Variants in IMMP2L observed in about 807,000 individuals in gnomAD.
The protein encoded by IMMP2L is mitochondrial inner membrane protease subunit 2.
A neutral mutation model predicts 19.3 loss-of-function variants in IMMP2L; 18 were observed. That is an observed-to-expected ratio of 0.93 (90% confidence interval 0.64 to 1.38). IMMP2L has a LOEUF of 1.38. IMMP2L is among the 40% of genes most tolerant of loss of function. IMMP2L has a pLI of 0.00. For missense variants in IMMP2L, 233 were observed against 218.2 expected (o/e 1.07, Z -0.43); for synonymous variants, 76 against 73.0 (o/e 1.04, Z -0.21).
chr7:111,463,789 T>G (rs1415910223), intron 3 of IMMP2L, among the ~76,000 whole-genome samples: 1 of 152,166 alleles, frequency 6.6e-6, no homozygotes, highest in Admixed American at 6.5e-5. Flanking sequence ...TTCATTAAAC[T>G]CTCTTCATTG....
intron 3 of IMMP2L, among the ~76,000 whole-genome samples, chr7:111,386,570 GCAGA>G (rs1235140722): frequency 6.6e-6 from 1 of 152,100 alleles, no homozygotes; most frequent in Non-Finnish European, 1.5e-5. Context: ...AGAGACAAAG[GCAGA>G]CAGAGAGAGG....
chr7:111,487,183 A>T, intron 3 of IMMP2L, 55 bp downstream of exon 3: 1 of 776,740 alleles, frequency 1.3e-6, no homozygotes, highest in South Asian at 1.7e-5. Context: ...CAGTTAAATC[A>T]GCATAAGTAT....
intron 3 of IMMP2L, among the ~76,000 whole-genome samples, chr7:111,394,441 T>C (rs1199357486): frequency 2.0e-5 from 3 of 152,134 alleles, no homozygotes; most frequent in Non-Finnish European, 4.4e-5. Flanking sequence ...GGTTCTGATG[T>C]GTTCTCCTTA....
chr7:110,982,713 T>C (rs1212444288), intron 3 of IMMP2L, among the ~76,000 whole-genome samples: 1 of 152,192 alleles, frequency 6.6e-6, no homozygotes, highest in East Asian at 1.9e-4. Flanking sequence ...CCACATATTT[T>C]TTCTTATAAC....
At chr7:110,771,232 A>G (rs987976480) in intron 5 of IMMP2L, among the ~76,000 whole-genome samples, 10 of 152,148 alleles carry the variant, frequency 6.6e-5, no homozygotes, top group African/African-American at 2.4e-4. Flanking sequence ...GGTTTGGACG[A>G]GAATCTCACT....
At chr7:110,986,688 A>C (rs2129558867) in intron 3 of IMMP2L, among the ~76,000 whole-genome samples, 1 of 152,280 alleles carries the variant, frequency 6.6e-6, no homozygotes. Flanking sequence ...TGGGAAATTT[A>C]GTTTTGATTG....
chr7:110,964,083 G>A (rs1819271499), intron 3 of IMMP2L, among the ~76,000 whole-genome samples: 2 of 151,840 alleles, frequency 1.3e-5, no homozygotes, highest in Non-Finnish European at 2.9e-5. Flanking sequence ...CTCTCCTGCC[G>A]CCATGAGAAG....
intron 3 of IMMP2L, among the ~76,000 whole-genome samples, chr7:111,241,888 G>A (rs1041693080): frequency 2.0e-5 from 3 of 151,996 alleles, no homozygotes; most frequent in Non-Finnish European, 4.4e-5. Context: ...AGAGATATTT[G>A]CAGGTATTGC....
chr7:111,375,193 T>A (rs1018781132), intron 3 of IMMP2L, among the ~76,000 whole-genome samples: 1 of 151,996 alleles, frequency 6.6e-6, no homozygotes, highest in Non-Finnish European at 1.5e-5. Context: ...GGAACAGGCT[T>A]GTTGAGTGTT....
intron 3 of IMMP2L, among the ~76,000 whole-genome samples, chr7:111,186,615 G>A (rs1008373942): frequency 1.3e-5 from 2 of 151,972 alleles, no homozygotes; most frequent in African/African-American, 4.8e-5. Flanking sequence ...ATTTTTAGTA[G>A]AAACGGGGTT....
intron 3 of IMMP2L, among the ~76,000 whole-genome samples, chr7:111,226,122 C>T (rs1813066847): frequency 6.6e-6 from 1 of 151,774 alleles, no homozygotes; most frequent in Admixed American, 6.6e-5. Context: ...CTTTTTTTCC[C>T]ATTCTGTCAC....
intron 3 of IMMP2L, among the ~76,000 whole-genome samples, chr7:111,022,278 G>A (rs1041709665): frequency 2.6e-5 from 4 of 152,184 alleles, no homozygotes; most frequent in Non-Finnish European, 5.9e-5. Context: ...TGCAGGCTGG[G>A]CATAGCAGAA....
At chr7:111,399,119 T>A (rs976206855) in intron 3 of IMMP2L, among the ~76,000 whole-genome samples, 2 of 152,024 alleles carry the variant, frequency 1.3e-5, no homozygotes, top group African/African-American at 4.8e-5. Context: ...TTCACAGAAT[T>A]AGAAAAAACA....
intron 3 of IMMP2L, among the ~76,000 whole-genome samples, chr7:111,072,258 T>C (rs145254337): frequency 6.6e-6 from 1 of 152,206 alleles, no homozygotes; most frequent in Non-Finnish European, 1.5e-5. Flanking sequence ...GCAAGAATCA[T>C]TGGTGACTGC....
chr7:111,407,491 G>A (rs1373918994), intron 3 of IMMP2L, among the ~76,000 whole-genome samples: 1 of 151,912 alleles, frequency 6.6e-6, no homozygotes, highest in Non-Finnish European at 1.5e-5. Flanking sequence ...ACAAAATACA[G>A]ATACATACTG....
At chr7:111,207,534 GTTTTTTTTTTTT>G (rs376864629) in intron 3 of IMMP2L, among the ~76,000 whole-genome samples, 3 of 90,102 alleles carry the variant, frequency 3.3e-5, no homozygotes, top group Non-Finnish European at 6.1e-5. Flanking sequence ...TTTATTTTTG[GTTTTTTTTTTTT>G]TTTTTTTTTT....
intron 5 of IMMP2L, among the ~76,000 whole-genome samples, chr7:110,790,264 T>C (rs1315050195): frequency 6.6e-6 from 1 of 151,654 alleles, no homozygotes; most frequent in Non-Finnish European, 1.5e-5. Context: ...AGAGTGTATG[T>C]GACAAGGTCA....
rs911403907 is a variant in IMMP2L at position 111,454,325 on chromosome 7, A to C, written c.239+32913T>G. Among the ~76,000 whole-genome samples, 38 of 152,190 alleles carry C rather than the reference A, an allele frequency of 2.5e-4. 1 individual carries two copies. Among genetic ancestry groups the C allele is most frequent in the African/African-American group, 8.7e-4 (36 of 41,532 alleles). ...CAAGTGACAACTTATTCTCAGTCAA[A>C]ATTCATGGGTAAAAATAAAGTTAAA... On this transcript the variant is annotated intron_variant, in intron 3 of 5. Coordinates refer to ENST00000405709, the MANE Select transcript of IMMP2L (RefSeq NM_032549.4).
At chr7:111,079,211 G>A (rs1177139950) in intron 3 of IMMP2L, among the ~76,000 whole-genome samples, 15 of 148,468 alleles carry the variant, frequency 1.0e-4, no homozygotes, top group African/African-American at 3.0e-4. Flanking sequence ...TCCGCCTCCC[G>A]GGTTCACGCC....
Sources: gnomAD v4.1 joint callset for allele counts (sites outside exome capture counted in the v4.1 genomes callset) on GRCh38, gnomAD v4.1.1 for gene constraint, MANE v1.5 for transcripts, NCBI Gene and HGNC (gene_info 2026-07-23, HGNC 2026-07-21) for gene names.